The following APBB2 variants were observed in gnomAD, a reference collection of about 807,000 sequenced individuals.
The protein encoded by APBB2 is amyloid beta precursor protein binding family B member 2.
In APBB2, 38 loss-of-function variants were observed where a neutral mutation model predicts 82.5. That is an observed-to-expected ratio of 0.46 (90% CI 0.36 to 0.60). The LOEUF (loss-of-function observed/expected upper bound fraction) is 0.60, where lower values mean the gene tolerates loss of function less well. APBB2 is among the 20% of genes least tolerant of loss of function. The pLI, the probability that APBB2 is intolerant of heterozygous loss-of-function variation, is 0.00. For missense variants in APBB2, 772 were observed against 972.3 expected (o/e 0.79, Z 2.74); for synonymous variants, 341 against 368.2 (o/e 0.93, Z 0.85).
chr4:41,129,582 T>G (rs1755385484), intron 2 of APBB2, among the ~76,000 whole-genome samples: 1 of 152,240 alleles, frequency 6.6e-6, no homozygotes, highest in Admixed American at 6.5e-5. Flanking sequence ...CTGAACCATG[T>G]GCGCTGGGGC....
chr4:41,041,025 C>T (rs948238830), intron 4 of APBB2, among the ~76,000 whole-genome samples: 8 of 152,220 alleles, frequency 5.3e-5, no homozygotes, highest in South Asian at 2.1e-4. Context: ...GGACTACAAG[C>T]GCCCACCACC....
At chr4:41,211,072 T>C (rs183443207) in intron 1 of APBB2, among the ~76,000 whole-genome samples, 2 of 152,142 alleles carry the variant, frequency 1.3e-5, no homozygotes, top group African/African-American at 2.4e-5. Flanking sequence ...CTGGCCAACA[T>C]GGTGAAACCC....
intron 3 of APBB2, among the ~76,000 whole-genome samples, chr4:41,068,551 A>G (rs1456422861): frequency 6.6e-6 from 1 of 152,164 alleles, no homozygotes; most frequent in South Asian, 2.1e-4. Flanking sequence ...AATCCCCCCA[A>G]ATTAAAGTAG....
At chr4:41,188,483 T>C (rs566041681) in intron 1 of APBB2, among the ~76,000 whole-genome samples, 1 of 152,258 alleles carries the variant, frequency 6.6e-6, no homozygotes, top group African/African-American at 2.4e-5. Context: ...TTTGTGCCCT[T>C]ATAAAAGATC....
chr4:41,027,365 A>ATG, intron 5 of APBB2, among the ~76,000 whole-genome samples: 1 of 1,362 alleles, frequency 7.3e-4, no homozygotes, highest in East Asian at 0.05. Flanking sequence ...ATATTGTTAC[A>ATG]TATATATATA....
At chr4:40,905,584 C>T (rs1369815462) in intron 10 of APBB2, among the ~76,000 whole-genome samples, 1 of 152,220 alleles carries the variant, frequency 6.6e-6, no homozygotes, top group African/African-American at 2.4e-5. Context: ...CTATTCCTAA[C>T]CTCCTCCCTC....
At chr4:40,845,793 G>A (rs746350694) in intron 12 of APBB2, among the ~76,000 whole-genome samples, 1 of 152,032 alleles carries the variant, frequency 6.6e-6, no homozygotes, top group Non-Finnish European at 1.5e-5. Context: ...AGAAGTCTCT[G>A]TTGCATGCTT....
chr4:40,823,631 G>C lies in APBB2; in HGVS notation c.1932+13C>G, dbSNP rs1398058749. 1 of 1,577,028 alleles carries C rather than the reference G, an allele frequency of 6.3e-7. No homozygotes were observed. The highest frequency in any genetic ancestry group is 1.7e-5 in the Admixed American group (1 of 59,968). On this transcript the variant is annotated intron_variant, in intron 16 of 17. Transcript: ENST00000508593. ...TATAAGACACACCAATGTCATCGAA[G>C]ATTCCTTCTCACCTTTTCACTGATG... is the stretch of plus-strand genomic sequence containing the variant.
intron 3 of APBB2, among the ~76,000 whole-genome samples, chr4:41,093,606 C>T (rs1742522214): frequency 6.6e-6 from 1 of 152,148 alleles, no homozygotes; most frequent in Non-Finnish European, 1.5e-5. Flanking sequence ...GTAATCCCAG[C>T]ACTTTGGGAG....
At chr4:40,993,921 C>CAG (rs1802875127) in intron 6 of APBB2, among the ~76,000 whole-genome samples, 4 of 151,984 alleles carry the variant, frequency 2.6e-5, no homozygotes, top group Admixed American at 2.6e-4. Flanking sequence ...AGTTAAAATG[C>CAG]AGGTTCCTGA....
intron 17 of APBB2, among the ~76,000 whole-genome samples, chr4:40,819,698 A>G (rs1747131820): frequency 6.6e-6 from 1 of 152,090 alleles, no homozygotes; most frequent in African/African-American, 2.4e-5. Context: ...AAACCCTCCA[A>G]TGCTGCCCTT....
intron 12 of APBB2, chr4:40,879,926 A>G (rs1382711362): frequency 5.1e-6 from 4 of 789,650 alleles, no homozygotes; most frequent in Non-Finnish European, 6.1e-6. Context: ...TCCTAACCTC[A>G]GGTGATCTGC....
intron 6 of APBB2, among the ~76,000 whole-genome samples, chr4:41,000,005 C>CAAA (rs1804686083): frequency 6.8e-6 from 1 of 146,556 alleles, no homozygotes; most frequent in Admixed American, 6.8e-5. Flanking sequence ...ATGGTAAAAC[C>CAAA]CCGTATTTAC....
At chr4:40,960,363 G>A (rs1792775107) in intron 6 of APBB2, among the ~76,000 whole-genome samples, 1 of 151,058 alleles carries the variant, frequency 6.6e-6, no homozygotes, top group Non-Finnish European at 1.5e-5. Flanking sequence ...GACCCATGGG[G>A]TTAAGATATT....
chr4:40,897,696 G>C (rs992307564), intron 10 of APBB2, among the ~76,000 whole-genome samples: 1 of 152,110 alleles, frequency 6.6e-6, no homozygotes, highest in Non-Finnish European at 1.5e-5. Flanking sequence ...GGTGTAAGCG[G>C]GACTAGGCAG....
At chr4:40,982,511 A>G (rs1016861779) in intron 6 of APBB2, among the ~76,000 whole-genome samples, 1 of 151,870 alleles carries the variant, frequency 6.6e-6, no homozygotes, top group African/African-American at 2.4e-5. Flanking sequence ...CCAGCTCCCA[A>G]TGTAGCAAAA....
chr4:40,965,695 T>C (rs766740685), intron 6 of APBB2, among the ~76,000 whole-genome samples: 4 of 152,216 alleles, frequency 2.6e-5, no homozygotes, highest in Non-Finnish European at 4.4e-5. Context: ...ATTAAATATT[T>C]AACATTAGGG....
intron 12 of APBB2, among the ~76,000 whole-genome samples, chr4:40,864,337 A>G (rs77238003): frequency 0.02 from 3,000 of 152,264 alleles, 91 homozygotes; most frequent in African/African-American, 0.068. Flanking sequence ...TCTATAACGT[A>G]TATTTGTAAA....
chr4:40,930,174 C>T (rs902255082), intron 10 of APBB2, among the ~76,000 whole-genome samples: 7 of 151,962 alleles, frequency 4.6e-5, no homozygotes, highest in Non-Finnish European at 1.0e-4. Flanking sequence ...TAGTTTTGAC[C>T]GATGTACCAT....
Sources: allele counts gnomAD v4.1 joint callset (sites outside exome capture counted in the v4.1 genomes callset), GRCh38; gene constraint gnomAD v4.1.1; transcripts MANE v1.5; gene names NCBI Gene and HGNC (gene_info 2026-07-23, HGNC 2026-07-21).